Variants in GDNF observed in about 807,000 individuals in gnomAD.
GDNF encodes the protein glial cell line-derived neurotrophic factor.
In GDNF, 5 loss-of-function variants were observed where a neutral mutation model predicts 13.7. The ratio of observed to expected loss-of-function variants is 0.36; its 90% CI spans 0.19 to 0.77. The LOEUF (loss-of-function observed/expected upper bound fraction) is 0.77, where lower values mean the gene tolerates loss of function less well. GDNF is among the 30% of genes least tolerant of loss of function. The pLI is 0.51. For synonymous variants in GDNF, 122 were observed against 112.5 expected, an observed-to-expected ratio of 1.08 and a Z score of -0.53; for missense variants, 246 against 274.3, an observed-to-expected ratio of 0.90 and a Z score of 0.73.
chr5:37,824,821 T>G (rs1432899257), intron 2 of GDNF, among the ~76,000 whole-genome samples: 1 of 152,208 alleles, frequency 6.6e-6, no homozygotes, highest in African/African-American at 2.4e-5. Flanking sequence ...AATTACCAGC[T>G]GAGGCAATTT....
At chr5:37,828,909 C>T (rs1437598573) in intron 2 of GDNF, among the ~76,000 whole-genome samples, 1 of 152,238 alleles carries the variant, frequency 6.6e-6, no homozygotes, top group Non-Finnish European at 1.5e-5. Context: ...AATAAAAGCA[C>T]AACACCTCAA....
In GDNF at chr5:37,834,676, G is replaced by C. The variant is rs1750637562; in HGVS notation, c.121C>G (p.Arg41Gly). The C allele has an allele frequency of 6.2e-7, 1 of 1,605,726 alleles. No homozygotes were observed. The highest frequency in any genetic ancestry group is 8.5e-7 in the Non-Finnish European group (1 of 1,176,342). ...CTGCTCAGCGCGAAGGGCGCGCGGC[G>C]GCGGCCGAGGGAGCGGTCTTCGGCG... ...APAEDRSLGR[R>G]RAPFALSSDS... Residue 41 changes from arginine to glycine, a missense_variant, in exon 2 of 3, where the codon CGC becomes GGC. Physicochemically the swap from Arg to Gly is moderately radical, Grantham distance 125. Coordinates refer to ENST00000326524, the MANE Select transcript of GDNF (RefSeq NM_000514.4).
intron 2 of GDNF, among the ~76,000 whole-genome samples, chr5:37,830,017 T>A (rs190398795): frequency 1.3e-3 from 199 of 152,354 alleles, no homozygotes; most frequent in Middle Eastern, 6.8e-3. Context: ...CCCTAAGCGA[T>A]AAGACACAAC....
At chr5:37,819,875 G>T (rs1291281767) in intron 2 of GDNF, among the ~76,000 whole-genome samples, 1 of 151,486 alleles carries the variant, frequency 6.6e-6, no homozygotes, top group African/African-American at 2.4e-5. Context: ...AGAAACAATT[G>T]ACTTAAAAAA....
chr5:37,835,919 C>G (rs1016037009), intron 1 of GDNF: 8 of 548,256 alleles, frequency 1.5e-5, no homozygotes, highest in African/African-American at 1.3e-4. Flanking sequence ...TGTTTGGCTT[C>G]TCAATCCTCA....
At chr5:37,819,458 T>G (rs528212927) in intron 2 of GDNF, among the ~76,000 whole-genome samples, 114 of 149,890 alleles carry the variant, frequency 7.6e-4, no homozygotes, top group African/African-American at 2.6e-3. Flanking sequence ...TTTTTTTTTT[T>G]TTTTTGTTTT....
chr5:37,837,992 CG>C lies in GDNF; in HGVS notation c.-27+1514del, dbSNP rs1163219439. 1.6e-5 allele frequency among the ~76,000 whole-genome samples: 2 copies of C among 128,912 alleles called. No homozygotes were observed. Among genetic ancestry groups the C allele is most frequent in the South Asian group, 2.6e-4 (1 of 3,896 alleles). 84.6% of individuals were successfully genotyped at this position (128,912 alleles called of 152,430 possible). On this transcript the variant is annotated intron_variant, in intron 1 of 2. Coordinates refer to ENST00000326524, the MANE Select transcript of GDNF (RefSeq NM_000514.4). The surrounding 1 kb of genome is among the most constrained non-coding windows in gnomAD (Gnocchi z 6.5). ...CGGGGAGACGGGTTTGCTATAAACTCGGTTTTTTTTTTTTTTTTTTTGGCGG... is the reference window on the plus strand; with the variant it reads ...CGGGGAGACGGGTTTGCTATAAACTCGTTTTTTTTTTTTTTTTTTTGGCGG...
intron 2 of GDNF, among the ~76,000 whole-genome samples, chr5:37,820,512 T>C (rs943953190): frequency 6.6e-6 from 1 of 152,186 alleles, no homozygotes. Context: ...TGAATACACG[T>C]CATAGCAAAT....
chr5:37,820,704 C>T (rs1363225563), intron 2 of GDNF, among the ~76,000 whole-genome samples: 1 of 152,146 alleles, frequency 6.6e-6, no homozygotes, highest in Admixed American at 6.5e-5. Flanking sequence ...TGGGAACTCT[C>T]TGCCTTCCTT....
intron 2 of GDNF, among the ~76,000 whole-genome samples, chr5:37,829,423 A>T (rs894244561): frequency 6.6e-6 from 1 of 152,220 alleles, no homozygotes; most frequent in African/African-American, 2.4e-5. Flanking sequence ...CAATAGACAT[A>T]TCTATCTGAC....
chr5:37,827,719 C>A (rs544790829), intron 2 of GDNF, among the ~76,000 whole-genome samples: 1 of 152,282 alleles, frequency 6.6e-6, no homozygotes, highest in African/African-American at 2.4e-5. Flanking sequence ...GAAGTCAGAC[C>A]TTTTCTGACC....
intron 2 of GDNF, among the ~76,000 whole-genome samples, chr5:37,825,941 C>G (rs1750300395): frequency 6.6e-6 from 1 of 152,198 alleles, no homozygotes; most frequent in African/African-American, 2.4e-5. Flanking sequence ...CTCAAAGACT[C>G]TTCAGGTAAT....
At chr5:37,816,546 T>C (rs1276176499) in intron 2 of GDNF, among the ~76,000 whole-genome samples, 1 of 152,218 alleles carries the variant, frequency 6.6e-6, no homozygotes, top group Non-Finnish European at 1.5e-5. Context: ...GGATATTGAC[T>C]ACCATGCAGA....
At chr5:37,817,594 G>A (rs985902963) in intron 2 of GDNF, among the ~76,000 whole-genome samples, 26 of 138,782 alleles carry the variant, frequency 1.9e-4, no homozygotes, top group Admixed American at 1.8e-3. Flanking sequence ...ACTTAACCAC[G>A]TGTGTGTAGA....
chr5:37,823,946 G>A, intron 2 of GDNF: 1 of 476,216 alleles, frequency 2.1e-6, no homozygotes, highest in Non-Finnish European at 2.7e-6. Flanking sequence ...GTACCATCAG[G>A]GGCCCCATAA....
chr5:37,825,540 T>C (rs1561131246), intron 2 of GDNF, among the ~76,000 whole-genome samples: 1 of 152,144 alleles, frequency 6.6e-6, no homozygotes, highest in Non-Finnish European at 1.5e-5. Context: ...ACTGCCCTTA[T>C]AAAAAACTTA....
At chr5:37,837,000 C>A (rs141630754) in intron 1 of GDNF, among the ~76,000 whole-genome samples, 101 of 152,308 alleles carry the variant, frequency 6.6e-4, no homozygotes, top group Middle Eastern at 6.8e-3. Context: ...CCGGATCGAG[C>A]TCCCCTCTTC....
rs775386709 is a variant in GDNF at position 37,834,758 on chromosome 5, C to T, written c.39G>A (p.Leu13=). ...LWDVVAVCLV[L]LHTASAFPLP... ...GCGGGAAGGCGGACGCGGTGTGGAG[C>T]AGCACCAGGCAGACAGCCACGACAT... Residue 13 remains leucine (L), a synonymous_variant, in exon 2 of 3, where the codon CTG becomes CTA. Transcript: ENST00000326524. 2 of 1,612,934 alleles carry T rather than the reference C, an allele frequency of 1.2e-6. No individual in the cohort carries two copies. The highest frequency in any genetic ancestry group is 2.2e-5 in the South Asian group (2 of 91,066).
rs1352983841 is a variant in GDNF at position 37,839,206 on chromosome 5, G to A, written c.-27+301C>T. Reference sequence around the variant, plus strand: ...TGACTTGACGGAAGAGCACCTGGCCGAGTCGGGGAAGGAAACTGCCCCTCT... The same window carrying A: ...TGACTTGACGGAAGAGCACCTGGCCAAGTCGGGGAAGGAAACTGCCCCTCT... On this transcript the variant is annotated intron_variant, in intron 1 of 2. Coordinates refer to ENST00000326524, the MANE Select transcript of GDNF (RefSeq NM_000514.4). This position sits in a 1 kb window ranked among gnomAD's most constrained non-coding sequence, Gnocchi z 5.5. Among the ~76,000 whole-genome samples, 1 of 152,208 alleles carries A rather than the reference G, an allele frequency of 6.6e-6. No homozygotes were observed. Among genetic ancestry groups the A allele is most frequent in the East Asian group, 1.9e-4 (1 of 5,180 alleles).
Sources: gnomAD v4.1 joint callset for allele counts (sites outside exome capture counted in the v4.1 genomes callset) on GRCh38, gnomAD v4.1.1 for gene constraint, Gnocchi (gnomAD v3.1) non-coding constraint, MANE v1.5 for transcripts, NCBI Gene and HGNC (gene_info 2026-07-23, HGNC 2026-07-21) for gene names.